Variants in PITPNM2 observed in about 807,000 individuals in gnomAD.
The protein encoded by PITPNM2 is membrane-associated phosphatidylinositol transfer protein 2.
PITPNM2 carries 35 observed loss-of-function variants against 132.2 expected under a neutral mutation model. That is an observed-to-expected ratio of 0.26 (90% confidence interval 0.20 to 0.35). The LOEUF (loss-of-function observed/expected upper bound fraction) is 0.35. Ranked by LOEUF, PITPNM2 falls within the 10% of genes least tolerant of loss-of-function variation. PITPNM2 has a pLI of 1.00. For synonymous variants in PITPNM2, 738 were observed against 799.2 expected, an observed-to-expected ratio of 0.92 and a Z score of 1.29; for missense variants, 1,332 against 1,912.0, an observed-to-expected ratio of 0.70 and a Z score of 5.66.
At chr12:123,147,304 T>G (rs2043638171) in intron 1 of PITPNM2, among the ~76,000 whole-genome samples, 1 of 152,124 alleles carries the variant, frequency 6.6e-6, no homozygotes, top group Admixed American at 6.6e-5. Flanking sequence ...GTGTGTTAGG[T>G]ACAATGTTAC....
In PITPNM2 at chr12:123,000,963, C is replaced by T; in HGVS notation, c.1153+91G>A. 2 of 1,532,004 alleles carry T rather than the reference C, an allele frequency of 1.3e-6. No individual in the cohort carries two copies. Among genetic ancestry groups the T allele is most frequent in the Non-Finnish European group, 9.0e-7 (1 of 1,106,580 alleles). The allele number at this position is 1,532,004 out of a possible 1,614,324, so 94.9% of individuals were successfully genotyped here. ...GGGGGTCCCCAACTCACATGTATGC[C>T]CAGCACTGTGCAGAAGCTGGTCAGA... is the stretch of plus-strand genomic sequence containing the variant. On this transcript the variant is annotated intron_variant, in intron 9 of 25. Coordinates refer to ENST00000320201, the MANE Select transcript of PITPNM2 (RefSeq NM_020845.3). This position sits in a 1 kb window ranked among gnomAD's most constrained non-coding sequence, Gnocchi z 5.4.
At chr12:123,051,878 A>G (rs1316321374) in intron 2 of PITPNM2, among the ~76,000 whole-genome samples, 1 of 150,398 alleles carries the variant, frequency 6.6e-6, no homozygotes, top group Non-Finnish European at 1.5e-5. Context: ...CAGGTCATGT[A>G]AGTTCATCTT....
At chr12:123,081,642 G>T (rs1049323382) in intron 2 of PITPNM2, 1 of 152,238 alleles carries the variant, frequency 6.6e-6, no homozygotes, top group Non-Finnish European at 1.5e-5. Flanking sequence ...AGAAAGGGAG[G>T]TAACTTCTCC....
intron 2 of PITPNM2, among the ~76,000 whole-genome samples, chr12:123,075,309 T>C (rs1391650962): frequency 2.0e-5 from 3 of 152,226 alleles, no homozygotes; most frequent in Non-Finnish European, 4.4e-5. Flanking sequence ...ACAGACTTTT[T>C]CAAAGCTAGG....
rs1006331103 is a variant in PITPNM2 at position 123,142,491 on chromosome 12, G to A, written c.-200+8262C>T. On this transcript the variant is annotated intron_variant, in intron 1 of 25. Coordinates refer to ENST00000320201, the MANE Select transcript of PITPNM2 (RefSeq NM_020845.3). Reference sequence around the variant, plus strand: ...AATTCTTGAGGATTTTGTTATTAATGGTGTTTTAGTGTTGGGTTCTTAAAC... The same window carrying A: ...AATTCTTGAGGATTTTGTTATTAATAGTGTTTTAGTGTTGGGTTCTTAAAC... Among the ~76,000 whole-genome samples the A allele has an allele frequency of 3.9e-5, 6 of 152,258 alleles. No individual in the cohort carries two copies. In the East Asian group the frequency reaches 9.6e-4, roughly 24 times the overall value.
intron 1 of PITPNM2, among the ~76,000 whole-genome samples, chr12:123,127,764 C>A (rs1455672132): frequency 6.6e-6 from 1 of 152,094 alleles, no homozygotes; most frequent in Non-Finnish European, 1.5e-5. Flanking sequence ...CGCCCGCCAC[C>A]ACGCCTGGCT....
rs2039753115 is a variant in PITPNM2, at chr12:123,023,705, C to A, written c.79-9663G>T. ...CTTAAGAGAAAACATAGGCATAAGT[C>A]CTATGAACTTGAACTGGCAATCGTT... On this transcript the variant is annotated intron_variant, in intron 3 of 25. Transcript: ENST00000320201. The surrounding 1 kb of genome is among the most constrained non-coding windows in gnomAD (Gnocchi z 4.8). 6.6e-6 allele frequency among the ~76,000 whole-genome samples: 1 copy of A among 152,094 alleles called. No homozygotes were observed. Among genetic ancestry groups the A allele is most frequent in the Non-Finnish European group, 1.5e-5 (1 of 68,026 alleles).
chr12:123,120,864 C>G (rs1178912578), intron 1 of PITPNM2, among the ~76,000 whole-genome samples: 1 of 152,162 alleles, frequency 6.6e-6, no homozygotes, highest in Non-Finnish European at 1.5e-5. Flanking sequence ...TATCTGAGCC[C>G]CTGGGGAAAA....
In PITPNM2 at chr12:123,083,459, T is replaced by C. The variant is rs2042022668; in HGVS notation, c.-96+26926A>G. ...TGTAGACTAACTCCTGGTCCCACCC[T>C]ACGGCTTTGGAACTGAAGCCACAGG... On this transcript the variant is annotated intron_variant, in intron 2 of 25. Transcript: ENST00000320201. This position sits in a 1 kb window ranked among gnomAD's most constrained non-coding sequence, Gnocchi z 4.5. 6.6e-6 allele frequency: 1 copy of C among 152,274 alleles called. No individual in the cohort carries two copies. Among genetic ancestry groups the C allele is most frequent in the African/African-American group, 2.4e-5 (1 of 41,454 alleles). The allele number at this position is 152,274 out of a possible 1,614,324, so 9.4% of individuals were successfully genotyped here. A position where few individuals can be genotyped will look rare whatever the true frequency, so the allele number is the denominator to read the frequency against.
chr12:123,148,933 G>A (rs1287104434), intron 1 of PITPNM2, among the ~76,000 whole-genome samples: 2 of 152,114 alleles, frequency 1.3e-5, no homozygotes, highest in Non-Finnish European at 2.9e-5. Context: ...GGGAGAGGGA[G>A]GGCATGGGAG....
At chr12:123,061,135 C>T (rs2041222521) in intron 2 of PITPNM2, among the ~76,000 whole-genome samples, 1 of 152,200 alleles carries the variant, frequency 6.6e-6, no homozygotes, top group African/African-American at 2.4e-5. Flanking sequence ...GGACTAGAGC[C>T]CAGAGCCTCT....
In PITPNM2 at chr12:122,996,885, C is replaced by A. The variant is rs1353832596; in HGVS notation, c.1498G>T (p.Gly500Cys). 6.3e-7 allele frequency: 1 copy of A among 1,583,752 alleles called. No individual in the cohort carries two copies. Among genetic ancestry groups the A allele is most frequent in the African/African-American group, 1.4e-5 (1 of 72,936 alleles). The change falls in exon 12 of 26, where the codon GGC (glycine) becomes TGC (cysteine). Residue 500 changes from glycine (G) to cysteine (C), a missense_variant. By Grantham distance (159) the Gly-to-Cys change is radical. Transcript: ENST00000320201. ...TGGTCCTGACTGCTGGACAGACAGC[C>A]TTCGTCATGGCTGTAGGGGCTGAGG... ...SNLSPYSHDE[G>C]CLSSSQDHIP...
Position 123,000,884 on chromosome 12 carries a change from G to T in PITPNM2, c.1154-36C>A, listed in dbSNP as rs2038633404. ...ACAGAAGCCGTGCTGTGAGCTGAGG[G>T]GCAGCCCAACCTGGCCGACCGGACA... On this transcript the variant is annotated intron_variant, in intron 9 of 25. Transcript: ENST00000320201. The surrounding 1 kb of genome is among the most constrained non-coding windows in gnomAD (Gnocchi z 5.4). The T allele has an allele frequency of 6.2e-7, 1 of 1,612,796 alleles. No individual in the cohort carries two copies. The highest frequency in any genetic ancestry group is 8.5e-7 in the Non-Finnish European group (1 of 1,179,178).
chr12:123,146,668 C>T (rs2043625094), intron 1 of PITPNM2, among the ~76,000 whole-genome samples: 1 of 151,716 alleles, frequency 6.6e-6, no homozygotes. Flanking sequence ...CCAGCCTGCC[C>T]CTCCTAACAG....
In PITPNM2 at chr12:123,108,657, AAATAC is replaced by A. The variant is rs2042771679; in HGVS notation, c.-96+1723_-96+1727del. ...AATTAAAACAAAACAGAAAAACAAAAAATACAACATAGCACTCTCTCTTCTTAGCA... is the reference window on the plus strand; with the variant it reads ...AATTAAAACAAAACAGAAAAACAAAAAACATAGCACTCTCTCTTCTTAGCA... On this transcript the variant is annotated intron_variant, in intron 2 of 25. Coordinates refer to ENST00000320201, the MANE Select transcript of PITPNM2 (RefSeq NM_020845.3). The surrounding 1 kb of genome is among the most constrained non-coding windows in gnomAD (Gnocchi z 4.4). 6.6e-6 allele frequency among the ~76,000 whole-genome samples: 1 copy of A among 152,176 alleles called. No homozygotes were observed. Among genetic ancestry groups the A allele is most frequent in the Admixed American group, 6.5e-5 (1 of 15,272 alleles).
At chr12:123,034,449 G>A in intron 3 of PITPNM2, 64 bp downstream of exon 3, 2 of 1,467,272 alleles carry the variant, frequency 1.4e-6, no homozygotes, top group South Asian at 1.1e-5. Context: ...TAACCCACAT[G>A]TGGTGTCTGT....
chr12:123,006,722 A>G (rs1204129538), intron 6 of PITPNM2, among the ~76,000 whole-genome samples: 2 of 1,984 alleles, frequency 1.0e-3, no homozygotes, highest in African/African-American at 1.6e-3. Flanking sequence ...CAAAATAGTA[A>G]TAATAATAAT....
chr12:122,996,943 C>T lies in PITPNM2; in HGVS notation c.1473-33G>A, dbSNP rs747648443. On this transcript the variant is annotated intron_variant, in intron 11 of 25. Coordinates refer to ENST00000320201, the MANE Select transcript of PITPNM2 (RefSeq NM_020845.3). ...GAGGGGCCAGTCAAGAGAGGGCAGGCGGCTCCAGCTCAGCCCAAAGGGCCC... is the reference window on the plus strand; with the variant it reads ...GAGGGGCCAGTCAAGAGAGGGCAGGTGGCTCCAGCTCAGCCCAAAGGGCCC... The T allele has an allele frequency of 1.5e-5, 23 of 1,526,944 alleles. No individual in the cohort carries two copies. In the Admixed American group the frequency reaches 2.1e-4, roughly 14 times the overall value. The allele number at this position is 1,526,944 out of a possible 1,614,324, so 94.6% of individuals were successfully genotyped here. A position where few individuals can be genotyped will look rare whatever the true frequency, so the allele number is the denominator to read the frequency against.
At chr12:123,147,600 G>A (rs1159248084) in intron 1 of PITPNM2, among the ~76,000 whole-genome samples, 1 of 152,186 alleles carries the variant, frequency 6.6e-6, no homozygotes, top group Non-Finnish European at 1.5e-5. Context: ...CAGGAAAGCA[G>A]CAATAAATAT....
Sources: gnomAD v4.1 joint callset for allele counts (sites outside exome capture counted in the v4.1 genomes callset) on GRCh38, gnomAD v4.1.1 for gene constraint, Gnocchi (gnomAD v3.1) non-coding constraint, MANE v1.5 for transcripts, NCBI Gene and HGNC (gene_info 2026-07-23, HGNC 2026-07-21) for gene names.